GLIS3: variants seen among roughly 807,000 people sequenced by gnomAD.
The protein encoded by GLIS3 is GLIS family zinc finger 3.
In GLIS3, 53 loss-of-function variants were observed where a neutral mutation model predicts 78.6. The observed-to-expected ratio is 0.67, with a 90% CI of 0.54 to 0.85. The LOEUF (loss-of-function observed/expected upper bound fraction) is 0.85. Among genes scored for constraint, GLIS3 ranks in the 40% least tolerant of loss-of-function variants. The pLI is 0.00. For missense variants in GLIS3, 1,703 were observed against 1,231.1 expected, an observed-to-expected ratio of 1.38 and a Z score of -5.74; for synonymous variants, 684 against 509.9, an observed-to-expected ratio of 1.34 and a Z score of -4.60.
intron 4 of GLIS3, among the ~76,000 whole-genome samples, chr9:4,028,216 G>A (rs1452760705): frequency 1.3e-5 from 2 of 152,058 alleles, no homozygotes; most frequent in Non-Finnish European, 2.9e-5. Context: ...AAATTTTCTG[G>A]GCCTCAGTTT....
chr9:3,855,931 A>C, intron 9 of GLIS3, 78 bp downstream of exon 9: 1 of 1,499,920 alleles, frequency 6.7e-7, no homozygotes, highest in Non-Finnish European at 9.3e-7. Context: ...TCTGAAATCC[A>C]CGACAGGTAA....
the GLIS3 span, among the ~76,000 whole-genome samples, chr9:4,487,044 C>T: frequency 2.6e-5 from 4 of 152,058 alleles, no homozygotes; most frequent in African/African-American, 9.7e-5. Context: ...GCAAAGAAGA[C>T]CATTGTTAAA....
At chr9:3,846,732 C>G (rs956038323) in intron 9 of GLIS3, among the ~76,000 whole-genome samples, 3 of 152,230 alleles carry the variant, frequency 2.0e-5, no homozygotes, top group African/African-American at 7.2e-5. Context: ...CTACCACACA[C>G]TCAGTACCAG....
chr9:3,913,581 T>C (rs1403400443), intron 6 of GLIS3, among the ~76,000 whole-genome samples: 1 of 152,218 alleles, frequency 6.6e-6, no homozygotes, highest in East Asian at 1.9e-4. Context: ...TCCCCTTTTC[T>C]CTGGACTCTA....
At chr9:4,147,859 G>C (rs1834352440) in intron 2 of GLIS3, among the ~76,000 whole-genome samples, 1 of 151,970 alleles carries the variant, frequency 6.6e-6, no homozygotes. Flanking sequence ...CTAAACTAGG[G>C]ATGTGTCTGA....
chr9:4,453,501 C>G, the GLIS3 span, among the ~76,000 whole-genome samples: 67 of 152,154 alleles, frequency 4.4e-4, no homozygotes, highest in East Asian at 0.01. Flanking sequence ...ACAACCCCAT[C>G]AAAAAGTGGG....
upstream of GLIS3, among the ~76,000 whole-genome samples, chr9:4,300,208 TCACACACACACACACA>T (rs35733770): frequency 1.8e-4 from 26 of 143,050 alleles, no homozygotes; most frequent in Admixed American, 4.1e-4. Flanking sequence ...CTTGACGCAT[TCACACACACACACACA>T]CACACACACA....
intron 8 of GLIS3, among the ~76,000 whole-genome samples, chr9:3,876,049 C>G (rs974273417): frequency 4.6e-5 from 7 of 152,150 alleles, no homozygotes; most frequent in Non-Finnish European, 7.3e-5. Flanking sequence ...ACTTTATCTA[C>G]TTAGTTTATT....
At chr9:4,174,781 G>A (rs566360234) in intron 2 of GLIS3, among the ~76,000 whole-genome samples, 28 of 152,310 alleles carry the variant, frequency 1.8e-4, no homozygotes, top group East Asian at 1.2e-3. Context: ...CTATATTCCA[G>A]GAGGCAGTAC....
At chr9:4,330,742 G>A (rs1338875587) in intron 2 of GLIS3, among the ~76,000 whole-genome samples, 1 of 152,214 alleles carries the variant, frequency 6.6e-6, no homozygotes, top group African/African-American at 2.4e-5. Context: ...ATACCTGGGA[G>A]GGAGTGGGAG....
the GLIS3 span, among the ~76,000 whole-genome samples, chr9:4,417,577 G>C: frequency 1.3e-5 from 2 of 152,132 alleles, no homozygotes; most frequent in African/African-American, 4.8e-5. Context: ...ATGTTGTAAT[G>C]AACATTCCTA....
the GLIS3 span, among the ~76,000 whole-genome samples, chr9:4,462,188 A>G: frequency 6.6e-6 from 1 of 152,180 alleles, no homozygotes; most frequent in Non-Finnish European, 1.5e-5. Context: ...TTTTATAAGA[A>G]GGACTCTCAG....
chr9:4,107,959 T>C (rs927393674), intron 4 of GLIS3, among the ~76,000 whole-genome samples: 1 of 152,174 alleles, frequency 6.6e-6, no homozygotes, highest in African/African-American at 2.4e-5. Context: ...TGTGTGTGTG[T>C]GCATGCATGT....
At chr9:4,116,395 C>T (rs1189416339) in intron 4 of GLIS3, among the ~76,000 whole-genome samples, 1 of 152,200 alleles carries the variant, frequency 6.6e-6, no homozygotes, top group Non-Finnish European at 1.5e-5. Context: ...AGTAATTATT[C>T]TTTTCACTCA....
chr9:4,461,804 A>G, the GLIS3 span, among the ~76,000 whole-genome samples: 5 of 152,236 alleles, frequency 3.3e-5, no homozygotes, highest in East Asian at 1.9e-4. Context: ...ATAAAGATCA[A>G]GTGGAGCTAT....
chr9:4,060,459 T>A (rs1448298695), intron 4 of GLIS3, among the ~76,000 whole-genome samples: 1 of 152,128 alleles, frequency 6.6e-6, no homozygotes, highest in Non-Finnish European at 1.5e-5. Context: ...TGAAACTTAA[T>A]CCCCAGTGTG....
rs547661135 is a variant in GLIS3, at chr9:4,228,858, T to C, written c.388+57180A>G. On this transcript the variant is annotated intron_variant, in intron 2 of 10. Transcript: ENST00000381971. ...AACTCTGCTCTGTTATCTCTCTGAG[T>C]ATGAAGTTTCAAAATCTACCCACCA... is the stretch of plus-strand genomic sequence containing the variant. Among the ~76,000 whole-genome samples the C allele has an allele frequency of 4.6e-5, 7 of 152,298 alleles. No individual in the cohort carries two copies. In the East Asian group the frequency reaches 1.3e-3, roughly 29 times the overall value.
At position 4,236,605 on chromosome 9, in the gene GLIS3, G is replaced by A. The variant is rs1046818714; in HGVS notation, c.388+49433C>T. ...AATATCTGAAACTTAAAGCACAGCA[G>A]TCTAATTTCCACCACATGACCAAAC... On this transcript the variant is annotated intron_variant, in intron 2 of 10. Transcript: ENST00000381971. 3.9e-5 allele frequency among the ~76,000 whole-genome samples: 6 copies of A among 152,166 alleles called. No homozygotes were observed. In the East Asian group the frequency reaches 1.2e-3, roughly 29 times the overall value.
intron 4 of GLIS3, among the ~76,000 whole-genome samples, chr9:4,014,435 G>A (rs1293574443): frequency 1.3e-5 from 2 of 152,082 alleles, no homozygotes; most frequent in African/African-American, 4.8e-5. Context: ...AAGTAGGGTG[G>A]GCCCTTAATG....
Sources: allele counts gnomAD v4.1 joint callset (sites outside exome capture counted in the v4.1 genomes callset), GRCh38; gene constraint gnomAD v4.1.1; transcripts MANE v1.5; gene names NCBI Gene and HGNC (gene_info 2026-07-23, HGNC 2026-07-21).